Variants in SHISA6 observed in about 807,000 individuals in gnomAD.
SHISA6 encodes shisa family member 6, also known as protein shisa-6.
SHISA6 carries 22 observed loss-of-function variants against 47.9 expected under a neutral mutation model. The observed-to-expected ratio is 0.46, with a 90% confidence interval of 0.33 to 0.66. The LOEUF is 0.66. SHISA6 is among the 30% of genes least tolerant of loss of function. SHISA6 has a pLI of 0.02. For synonymous variants in SHISA6, 388 were observed against 337.8 expected (o/e 1.15, Z -1.63); for missense variants, 680 against 764.6 (o/e 0.89, Z 1.30).
chr17:11,293,308 A>G (rs1265316625), intron 2 of SHISA6, among the ~76,000 whole-genome samples: 1 of 152,142 alleles, frequency 6.6e-6, no homozygotes, highest in Non-Finnish European at 1.5e-5. Flanking sequence ...CATTTTAGCA[A>G]AAGGTTACAG....
At chr17:11,392,727 G>A (rs1913426315) in intron 3 of SHISA6, among the ~76,000 whole-genome samples, 1 of 152,206 alleles carries the variant, frequency 6.6e-6, no homozygotes, top group African/African-American at 2.4e-5. Flanking sequence ...TAAGACATGA[G>A]CTATGCCCAG....
intron 3 of SHISA6, among the ~76,000 whole-genome samples, chr17:11,537,620 G>T (rs1353263330): frequency 1.3e-5 from 2 of 152,152 alleles, no homozygotes; most frequent in African/African-American, 2.4e-5. Flanking sequence ...GCCACTTTGG[G>T]CCTTAGGAAG....
Position 11,562,068 on chromosome 17 carries a change from C to A in SHISA6, c.*3764C>A, listed in dbSNP as rs567154521. ...TCCTGCTCTGGCCAAAGACTCCTATCCTTGAGGGCTCTCAGCCACTGCTCC... is the reference window on the plus strand; with the variant it reads ...TCCTGCTCTGGCCAAAGACTCCTATACTTGAGGGCTCTCAGCCACTGCTCC... On this transcript the variant is annotated 3_prime_UTR_variant, in exon 6 of 6. Transcript: ENST00000441885. The A allele has an allele frequency of 6.6e-6, 1 of 152,300 alleles. No individual in the cohort carries two copies. Among genetic ancestry groups the A allele is most frequent in the African/African-American group, 2.4e-5 (1 of 41,538 alleles). 9.4% of individuals were successfully genotyped at this position (152,300 alleles called of 1,614,324 possible). A position where few individuals can be genotyped will look rare whatever the true frequency, so the allele number is the denominator to read the frequency against.
At chr17:11,547,094 A>G (rs2071889693) in intron 3 of SHISA6, among the ~76,000 whole-genome samples, 1 of 152,224 alleles carries the variant, frequency 6.6e-6, no homozygotes, top group African/African-American at 2.4e-5. Flanking sequence ...AAGTGATGGG[A>G]ACACAAGAGT....
At chr17:11,302,938 C>T (rs1909978669) in intron 2 of SHISA6, among the ~76,000 whole-genome samples, 1 of 152,138 alleles carries the variant, frequency 6.6e-6, no homozygotes, top group Non-Finnish European at 1.5e-5. Flanking sequence ...GCTGGAGTTT[C>T]ATTGAAGGCT....
At chr17:11,287,920 A>T (rs1000518577) in intron 2 of SHISA6, among the ~76,000 whole-genome samples, 6 of 152,202 alleles carry the variant, frequency 3.9e-5, no homozygotes, top group African/African-American at 1.2e-4. Context: ...TCAAACATAT[A>T]TAAAAGTAGA....
chr17:11,481,431 A>T (rs1916216994), intron 3 of SHISA6, among the ~76,000 whole-genome samples: 1 of 150,566 alleles, frequency 6.6e-6, no homozygotes, highest in Non-Finnish European at 1.5e-5. Flanking sequence ...TTTGAAGTAG[A>T]AGAGACTATA....
intron 2 of SHISA6, among the ~76,000 whole-genome samples, chr17:11,287,153 G>A (rs1262840266): frequency 6.6e-6 from 1 of 151,932 alleles, no homozygotes; most frequent in Non-Finnish European, 1.5e-5. Flanking sequence ...CCAGTTACTT[G>A]GGAGGCTGAG....
intron 2 of SHISA6, among the ~76,000 whole-genome samples, chr17:11,318,135 A>AG (rs1910586266): frequency 5.6e-4 from 1 of 1,776 alleles, no homozygotes; most frequent in African/African-American, 6.7e-4. Flanking sequence ...CCATTATCAC[A>AG]GGAAAAAATG....
intron 3 of SHISA6, among the ~76,000 whole-genome samples, chr17:11,505,522 C>T (rs2071491793): frequency 6.6e-6 from 1 of 152,162 alleles, no homozygotes; most frequent in Non-Finnish European, 1.5e-5. Context: ...GTCTAGAATA[C>T]ACTGAAAACA....
chr17:11,502,239 C>A (rs1315421128), intron 3 of SHISA6, among the ~76,000 whole-genome samples: 3 of 150,550 alleles, frequency 2.0e-5, no homozygotes, highest in African/African-American at 7.3e-5. Flanking sequence ...GAAACCCCGT[C>A]TCTACTAAAA....
intron 2 of SHISA6, among the ~76,000 whole-genome samples, chr17:11,333,481 C>A (rs1244098075): frequency 6.6e-6 from 1 of 152,034 alleles, no homozygotes; most frequent in Non-Finnish European, 1.5e-5. Context: ...CTGTTGAAAA[C>A]TCTATGTTCT....
chr17:11,374,583 A>G (rs969939210), intron 2 of SHISA6, among the ~76,000 whole-genome samples: 6 of 151,846 alleles, frequency 4.0e-5, no homozygotes, highest in Non-Finnish European at 7.4e-5. Context: ...AAAAGTCTGG[A>G]CTTTTTTGTG....
At position 11,539,771 on chromosome 17, in the gene SHISA6, G is replaced by A. The variant is rs1359094275; in HGVS notation, c.896-12125G>A. Among the ~76,000 whole-genome samples the A allele has an allele frequency of 3.9e-5, 6 of 152,218 alleles. No individual in the cohort carries two copies. In the East Asian group the frequency reaches 9.6e-4, roughly 24 times the overall value. ...TGGTCTTGTCAGCATATCGATCAAT[G>A]AGTCCTGAGCGCTAATTGTTGTTAT... On this transcript the variant is annotated intron_variant, in intron 3 of 5. Transcript: ENST00000441885.
intron 2 of SHISA6, among the ~76,000 whole-genome samples, chr17:11,293,554 T>G: frequency 6.6e-6 from 1 of 152,090 alleles, no homozygotes; most frequent in Admixed American, 6.6e-5. Context: ...ACTGACACAC[T>G]CCTCCTGCTG....
At chr17:11,534,906 G>A (rs1180260061) in intron 3 of SHISA6, among the ~76,000 whole-genome samples, 3 of 152,082 alleles carry the variant, frequency 2.0e-5, no homozygotes, top group Non-Finnish European at 4.4e-5. Flanking sequence ...AAGGAGGGTG[G>A]ATCACGAGGT....
At chr17:11,429,775 G>T (rs1461228089) in intron 3 of SHISA6, among the ~76,000 whole-genome samples, 1 of 150,788 alleles carries the variant, frequency 6.6e-6, no homozygotes, top group Non-Finnish European at 1.5e-5. Flanking sequence ...TGGGTGACAA[G>T]AGTGAAACTC....
intron 1 of SHISA6, among the ~76,000 whole-genome samples, chr17:11,245,813 AT>A (rs980777580): frequency 5.9e-5 from 9 of 152,164 alleles, no homozygotes; most frequent in Non-Finnish European, 7.4e-5. Context: ...AGGAAAAAGT[AT>A]TAGGAGGTGA....
At position 11,531,573 on chromosome 17, in the gene SHISA6, A is replaced by C. The variant is rs1420180054; in HGVS notation, c.896-20323A>C. 2.6e-5 allele frequency among the ~76,000 whole-genome samples: 4 copies of C among 152,136 alleles called. No individual in the cohort carries two copies. The East Asian group carries it at 7.7e-4, about 29-fold the overall frequency. On this transcript the variant is annotated intron_variant, in intron 3 of 5. Transcript: ENST00000441885. ...CCATGCCTTAGTTTTCTCACCTATA[A>C]AATGGGGCTACTACTAGTTTCTACC...
Sources: gnomAD v4.1 joint callset for allele counts (sites outside exome capture counted in the v4.1 genomes callset) on GRCh38, gnomAD v4.1.1 for gene constraint, MANE v1.5 for transcripts, NCBI Gene and HGNC (gene_info 2026-07-23, HGNC 2026-07-21) for gene names.